GRIP1: variants seen among roughly 807,000 people sequenced by gnomAD.
GRIP1 encodes the protein glutamate receptor-interacting protein 1.
A neutral mutation model predicts 129.9 loss-of-function variants in GRIP1; 45 were observed. The ratio of observed to expected loss-of-function variants is 0.35; its 90% CI spans 0.27 to 0.44. The LOEUF is 0.44. GRIP1 is among the 20% of genes least tolerant of loss of function. The pLI, the probability that GRIP1 is intolerant of heterozygous loss-of-function variation, is 1.00. For synonymous variants in GRIP1, 530 were observed against 520.8 expected (o/e 1.02, Z -0.24); for missense variants, 1,196 against 1,396.8 (o/e 0.86, Z 2.29).
At chr12:66,687,846 C>A (rs547341444) in intron 1 of GRIP1, among the ~76,000 whole-genome samples, 1 of 152,138 alleles carries the variant, frequency 6.6e-6, no homozygotes, top group Non-Finnish European at 1.5e-5. Flanking sequence ...AACATACAAT[C>A]CCTTAGTCAC....
intron 1 of GRIP1, among the ~76,000 whole-genome samples, chr12:66,644,830 T>C (rs2032223924): frequency 6.6e-6 from 1 of 152,232 alleles, no homozygotes; most frequent in African/African-American, 2.4e-5. Flanking sequence ...CATACAATAC[T>C]ATGGTAAATG....
chr12:66,782,125 T>C lies in GRIP1; in HGVS notation c.-420+21928A>G, dbSNP rs115627178. ...TTCTACTTCTTGATCTGGATGCTGG[T>C]ACATGGTTATGTTCACTTCTTAAAA... On this transcript the variant is annotated intron_variant, in intron 1 of 4. Transcript: ENST00000538373. Among the ~76,000 whole-genome samples the C allele has an allele frequency of 4.3e-3, 649 of 152,314 alleles. 5 individuals carry two copies. The highest frequency in any genetic ancestry group is 0.015 in the African/African-American group (612 of 41,586).
At chr12:67,045,965 C>G (rs920017490) in intron 1 of GRIP1, among the ~76,000 whole-genome samples, 2 of 152,212 alleles carry the variant, frequency 1.3e-5, no homozygotes, top group East Asian at 3.9e-4. Context: ...CTGAAACACA[C>G]AGAACAAACC....
intron 1 of GRIP1, among the ~76,000 whole-genome samples, chr12:66,626,245 T>A (rs1443652002): frequency 6.6e-6 from 1 of 150,430 alleles, no homozygotes. Context: ...GAGGCTGAGG[T>A]GGGTGAATTG....
At chr12:66,980,574 G>T (rs2042229519) in intron 1 of GRIP1, among the ~76,000 whole-genome samples, 1 of 152,212 alleles carries the variant, frequency 6.6e-6, no homozygotes, top group Admixed American at 6.5e-5. Context: ...TCACACCACT[G>T]CACTTCAGCC....
intron 1 of GRIP1, among the ~76,000 whole-genome samples, chr12:66,990,602 T>C (rs2042379788): frequency 6.6e-6 from 1 of 152,212 alleles, no homozygotes; most frequent in African/African-American, 2.4e-5. Context: ...GAAGGCAATT[T>C]ATTCCCCGTT....
At chr12:66,674,425 C>G (rs752271351) in intron 1 of GRIP1, among the ~76,000 whole-genome samples, 5 of 152,160 alleles carry the variant, frequency 3.3e-5, no homozygotes, top group African/African-American at 1.2e-4. Flanking sequence ...AATATTTTTC[C>G]TCTTCCATTA....
At chr12:66,533,860 CACTCACACACACACACACAT>C (rs2061527004) in intron 4 of GRIP1, among the ~76,000 whole-genome samples, 1 of 101,258 alleles carries the variant, frequency 9.9e-6, no homozygotes, top group African/African-American at 4.4e-5. Context: ...CACACACACA[CACTCACACACACACACACAT>C]ACACACACTC....
intron 1 of GRIP1, among the ~76,000 whole-genome samples, chr12:66,718,198 C>T (rs756934588): frequency 5.3e-5 from 8 of 152,126 alleles, no homozygotes; most frequent in Non-Finnish European, 1.0e-4. Context: ...ATTCCTGCCA[C>T]CACTAATGTC....
At chr12:66,654,248 C>A (rs1019306394) in intron 1 of GRIP1, among the ~76,000 whole-genome samples, 1 of 151,868 alleles carries the variant, frequency 6.6e-6, no homozygotes, top group East Asian at 1.9e-4. Context: ...GACTAAAAAA[C>A]CAAATTAAAC....
chr12:66,552,035 T>C (rs2062158553), intron 2 of GRIP1, among the ~76,000 whole-genome samples: 1 of 152,078 alleles, frequency 6.6e-6, no homozygotes, highest in Non-Finnish European at 1.5e-5. Flanking sequence ...ACTCTGGAAG[T>C]GAAAGAAGAT....
chr12:66,778,010 A>G (rs774352601), intron 1 of GRIP1, among the ~76,000 whole-genome samples: 25 of 152,198 alleles, frequency 1.6e-4, no homozygotes, highest in Non-Finnish European at 3.2e-4. Context: ...GAACTGTAAA[A>G]TACACACCAA....
chr12:67,069,308 G>GGGCGGC (rs71088240), upstream of GRIP1: 14,025 of 140,790 alleles, frequency 0.1, 788 homozygotes, highest in East Asian at 0.12. Context: ...CGGCGGCTCC[G>GGGCGGC]GGCGGCGGCG....
chr12:66,666,312 T>A (rs2033793781), intron 1 of GRIP1, among the ~76,000 whole-genome samples: 2 of 152,162 alleles, frequency 1.3e-5, no homozygotes, highest in Non-Finnish European at 2.9e-5. Context: ...CAATGGAGAA[T>A]CTTCCAAGTA....
intron 1 of GRIP1, among the ~76,000 whole-genome samples, chr12:66,965,845 G>A (rs1433345543): frequency 1.3e-5 from 2 of 152,094 alleles, no homozygotes; most frequent in Non-Finnish European, 1.5e-5. Flanking sequence ...CTGAATAACA[G>A]AATTCCCCAG....
Position 66,347,688 on chromosome 12 carries a change from A to ATACTT in GRIP1, c.*1326_*1330dup, listed in dbSNP as rs1390125281. 10 of 152,128 alleles carry ATACTT rather than the reference A, an allele frequency of 6.6e-5. No homozygotes were observed. The highest frequency in any genetic ancestry group is 2.2e-4 in the African/African-American group (9 of 41,434). 9.4% of individuals were successfully genotyped at this position (152,128 alleles called of 1,614,324 possible). A position where few individuals can be genotyped will look rare whatever the true frequency, so the allele number is the denominator to read the frequency against. On this transcript the variant is annotated 3_prime_UTR_variant, in exon 25 of 25. Transcript: ENST00000359742. The stretch of plus-strand genomic sequence containing the variant: ...TTTTTTCTTAACATGATCCTGCTTT[A>ATACTT]TACTTTCTTGCCCTGGCGGTTCTGA...
rs1187584524 is a variant in GRIP1 at position 66,697,477 on chromosome 12, CA to C, written c.-419-67142del. 3.3e-5 allele frequency among the ~76,000 whole-genome samples: 5 copies of C among 152,146 alleles called. No homozygotes were observed. In the East Asian group the frequency reaches 9.6e-4, roughly 29 times the overall value. ...TGATAATATTTCAGTTATCTTCAAA[CA>C]GAAGGCAGAATGGGCTAGATAACCA... On this transcript the variant is annotated intron_variant, in intron 1 of 4. Transcript: ENST00000538373.
Position 66,972,539 on chromosome 12 carries a change from A to G in GRIP1, c.58+96511T>C, listed in dbSNP as rs183207626. 5.1e-4 allele frequency among the ~76,000 whole-genome samples: 77 copies of G among 152,300 alleles called. 1 individual carries two copies. The highest frequency in any genetic ancestry group is 1.4e-3 in the African/African-American group (58 of 41,570). On this transcript the variant is annotated intron_variant, in intron 1 of 1. Coordinates refer to the GRIP1 transcript ENST00000643019. ...AGTGGAAAGCTGAATTTTTTATTTT[A>G]TTTAATTTTCATTTAAATAGTCACA...
intron 4 of GRIP1, among the ~76,000 whole-genome samples, chr12:66,535,346 T>C (rs2061575612): frequency 6.6e-6 from 1 of 151,298 alleles, no homozygotes; most frequent in Non-Finnish European, 1.5e-5. Context: ...CAAAGCAAAC[T>C]GACTCATTTA....
Sources: gnomAD v4.1 joint callset for allele counts (sites outside exome capture counted in the v4.1 genomes callset) on GRCh38, gnomAD v4.1.1 for gene constraint, MANE v1.5 for transcripts, NCBI Gene and HGNC (gene_info 2026-07-23, HGNC 2026-07-21) for gene names.